The following MAD1L1 variants were observed in gnomAD, a reference collection of about 807,000 sequenced individuals.
MAD1L1 encodes the protein mitotic spindle assembly checkpoint protein MAD1.
Under a neutral mutation model 96.9 loss-of-function variants are expected in MAD1L1, and 95 were observed. The observed-to-expected ratio is 0.98, with a 90% CI of 0.83 to 1.16. The LOEUF is 1.16. Among genes scored for constraint, MAD1L1 ranks in the 50% most tolerant of loss-of-function variants. MAD1L1 has a pLI of 0.00. For synonymous variants in MAD1L1, 473 were observed against 396.6 expected, an observed-to-expected ratio of 1.19 and a Z score of -2.29; for missense variants, 1,007 against 954.4, an observed-to-expected ratio of 1.06 and a Z score of -0.73.
At chr7:1,902,711 C>T (rs1317396334) in intron 17 of MAD1L1, among the ~76,000 whole-genome samples, 1 of 152,232 alleles carries the variant, frequency 6.6e-6, no homozygotes, top group East Asian at 1.9e-4. Context: ...GCTGTACGTC[C>T]TGCAGTGGGA....
intron 18 of MAD1L1, among the ~76,000 whole-genome samples, chr7:1,823,534 C>T (rs1319277198): frequency 6.6e-6 from 1 of 152,162 alleles, no homozygotes; most frequent in Non-Finnish European, 1.5e-5. Context: ...ACCCTGGCAC[C>T]TGGAGGGGTG....
chr7:1,923,708 C>G (rs1318052187), intron 17 of MAD1L1, among the ~76,000 whole-genome samples: 1 of 152,260 alleles, frequency 6.6e-6, no homozygotes, highest in East Asian at 1.9e-4. Context: ...TTGCCTGGCT[C>G]TGTGGCCAGA....
At chr7:1,928,729 C>T (rs972575484) in intron 17 of MAD1L1, among the ~76,000 whole-genome samples, 2 of 152,234 alleles carry the variant, frequency 1.3e-5, no homozygotes, top group Non-Finnish European at 2.9e-5. Flanking sequence ...AGGTGGCGGC[C>T]CTGCCCAGGT....
chr7:1,839,548 G>A (rs1427172205), intron 18 of MAD1L1, among the ~76,000 whole-genome samples: 2 of 152,216 alleles, frequency 1.3e-5, no homozygotes, highest in African/African-American at 2.4e-5. Flanking sequence ...ACAGAATGTC[G>A]TGGAGAACTG....
chr7:1,982,131 T>C (rs1396590536), intron 14 of MAD1L1, among the ~76,000 whole-genome samples: 3 of 152,056 alleles, frequency 2.0e-5, no homozygotes, highest in South Asian at 2.1e-4. Flanking sequence ...TCATTTTATT[T>C]AACAAAAATG....
At chr7:1,914,466 G>T (rs1583766837) in intron 17 of MAD1L1, among the ~76,000 whole-genome samples, 2 of 152,372 alleles carry the variant, frequency 1.3e-5, no homozygotes, top group East Asian at 3.9e-4. Context: ...AAGGCCGTGT[G>T]CCAAGGCACG....
At chr7:1,883,784 T>C (rs977056847) in intron 18 of MAD1L1, among the ~76,000 whole-genome samples, 4 of 152,200 alleles carry the variant, frequency 2.6e-5, no homozygotes, top group African/African-American at 9.7e-5. Context: ...AGGCACCATG[T>C]GTCTCTATTA....
At position 1,827,463 on chromosome 7, in the gene MAD1L1, C is replaced by CCGCCCGG. The variant is rs1782461319; in HGVS notation, c.1999-11236_1999-11235insCCGGGCG. ...GTGTGGGGTCCTCCCCTCCTGAGCC[C>CCGCCCGG]GTCGCGGGTGTGGGGGCCTCCCCTC... is the stretch of plus-strand genomic sequence containing the variant. On this transcript the variant is annotated intron_variant, in intron 18 of 18. Coordinates refer to ENST00000265854, the MANE Select transcript of MAD1L1 (RefSeq NM_001013836.2). Among the ~76,000 whole-genome samples, 5 of 94,910 alleles carry CCGCCCGG rather than the reference C, an allele frequency of 5.3e-5. 1 individual carries two copies. The highest frequency in any genetic ancestry group is 3.0e-4 in the Admixed American group (3 of 9,996). The allele number at this position is 94,910 out of a possible 152,430, so 62.3% of individuals were successfully genotyped here. A position where few individuals can be genotyped will look rare whatever the true frequency, so the allele number is the denominator to read the frequency against.
intron 18 of MAD1L1, among the ~76,000 whole-genome samples, chr7:1,827,907 T>G (rs1338619487): frequency 1.3e-5 from 2 of 152,104 alleles, no homozygotes; most frequent in Non-Finnish European, 2.9e-5. Context: ...CCTTCTCACC[T>G]CCCACCCAGG....
chr7:2,225,019 G>A (rs1359970498), intron 4 of MAD1L1, among the ~76,000 whole-genome samples: 1 of 152,200 alleles, frequency 6.6e-6, no homozygotes, highest in Non-Finnish European at 1.5e-5. Context: ...AGGAGACCCA[G>A]CAAAAGAATC....
chr7:2,123,603 T>C (rs1788085584), intron 11 of MAD1L1, among the ~76,000 whole-genome samples: 1 of 152,064 alleles, frequency 6.6e-6, no homozygotes, highest in Admixed American at 6.5e-5. Flanking sequence ...AGGGCACGCA[T>C]GGGAGGCGTC....
intron 16 of MAD1L1, among the ~76,000 whole-genome samples, chr7:1,952,887 A>G (rs1779564675): frequency 6.6e-6 from 1 of 152,224 alleles, no homozygotes; most frequent in Admixed American, 6.5e-5. Flanking sequence ...GAGTCCAGCG[A>G]GCGGGAGAGG....
chr7:1,944,432 G>T (rs527305191), intron 16 of MAD1L1, among the ~76,000 whole-genome samples: 7 of 152,202 alleles, frequency 4.6e-5, no homozygotes. Flanking sequence ...AGCAGGAAGC[G>T]TGGATGCAGC....
chr7:2,130,214 G>T (rs769461937), intron 11 of MAD1L1, among the ~76,000 whole-genome samples: 7 of 152,226 alleles, frequency 4.6e-5, no homozygotes, highest in Admixed American at 1.3e-4. Flanking sequence ...CACCTGAGAG[G>T]TCCAGGGAGC....
intron 18 of MAD1L1, among the ~76,000 whole-genome samples, chr7:1,821,987 C>T (rs567915667): frequency 5.3e-5 from 8 of 152,184 alleles, no homozygotes; most frequent in East Asian, 1.9e-4. Context: ...TGTCCCTACT[C>T]GGAAATCACA....
At chr7:1,995,187 C>T (rs958333900) in intron 14 of MAD1L1, among the ~76,000 whole-genome samples, 1 of 152,152 alleles carries the variant, frequency 6.6e-6, no homozygotes, top group Non-Finnish European at 1.5e-5. Flanking sequence ...GTGGCCAGCA[C>T]GATTCCTTCC....
intron 18 of MAD1L1, among the ~76,000 whole-genome samples, chr7:1,866,833 G>A (rs1330983040): frequency 6.6e-6 from 1 of 152,230 alleles, no homozygotes; most frequent in Non-Finnish European, 1.5e-5. Flanking sequence ...AGGGCCCGGT[G>A]AGGGCCAAGG....
intron 11 of MAD1L1, among the ~76,000 whole-genome samples, chr7:2,123,176 G>C (rs554235699): frequency 6.6e-6 from 1 of 151,986 alleles, no homozygotes; most frequent in African/African-American, 2.4e-5. Flanking sequence ...GGTGGTGGGC[G>C]CCTGTAGTCT....
chr7:2,071,107 G>A (rs935618346), intron 11 of MAD1L1, among the ~76,000 whole-genome samples: 3 of 151,270 alleles, frequency 2.0e-5, no homozygotes, highest in African/African-American at 7.3e-5. Context: ...GTTTGGGGAA[G>A]GGAAAGCTTC....
Sources: gnomAD v4.1 joint callset for allele counts (sites outside exome capture counted in the v4.1 genomes callset) on GRCh38, gnomAD v4.1.1 for gene constraint, MANE v1.5 for transcripts, NCBI Gene and HGNC (gene_info 2026-07-23, HGNC 2026-07-21) for gene names.